The following ITGAV variants were observed in gnomAD, a reference collection of about 807,000 sequenced individuals.
The protein encoded by ITGAV is integrin subunit alpha V.
A neutral mutation model predicts 143.8 loss-of-function variants in ITGAV; 76 were observed. That is an observed-to-expected ratio of 0.53 (90% CI 0.44 to 0.64). ITGAV has a LOEUF of 0.64. Ranked by LOEUF, ITGAV falls within the 30% of genes least tolerant of loss-of-function variation. The pLI is 0.00. For missense variants in ITGAV, 1,193 were observed against 1,274.7 expected (o/e 0.94, Z 0.98); for synonymous variants, 453 against 446.7 (o/e 1.01, Z -0.18).
At chr2:186,630,894 C>T in intron 5 of ITGAV, 36 bp downstream of exon 5, 1 of 1,156,710 alleles carries the variant, frequency 8.6e-7, no homozygotes, top group Non-Finnish European at 1.3e-6. Context: ...AGATTCACAT[C>T]TACCTTATTG....
intron 1 of ITGAV, among the ~76,000 whole-genome samples, chr2:186,601,246 A>G (rs1439417725): frequency 6.6e-6 from 1 of 152,006 alleles, no homozygotes; most frequent in East Asian, 1.9e-4. Flanking sequence ...ATAGTCAACT[A>G]TTAAAAAAAA....
intron 26 of ITGAV, among the ~76,000 whole-genome samples, chr2:186,670,782 C>A (rs919659898): frequency 6.6e-6 from 1 of 151,450 alleles, no homozygotes; most frequent in Non-Finnish European, 1.5e-5. Flanking sequence ...CCAGTCTGAT[C>A]TTCTGCATTG....
At chr2:186,646,054 C>CAGAG (rs1453792950) in intron 12 of ITGAV, among the ~76,000 whole-genome samples, 1 of 152,030 alleles carries the variant, frequency 6.6e-6, no homozygotes, top group Non-Finnish European at 1.5e-5. Context: ...GTGGCAGCAG[C>CAGAG]AGAGAGAGAA....
chr2:186,593,973 G>A (rs921943156), intron 1 of ITGAV, among the ~76,000 whole-genome samples: 1 of 152,144 alleles, frequency 6.6e-6, no homozygotes, highest in Admixed American at 6.5e-5. Flanking sequence ...TATAATGAAT[G>A]ACACTGGATT....
chr2:186,636,568 G>A (rs900809067), intron 7 of ITGAV, among the ~76,000 whole-genome samples: 22 of 152,144 alleles, frequency 1.4e-4, no homozygotes, highest in African/African-American at 4.3e-4. Context: ...GCACTGAGAC[G>A]CAAAATAACT....
rs200643949 is a variant in ITGAV, at chr2:186,638,394, A to G, written c.847-15A>G. ...ATTTTACCAGATTTCACATACTTCTATTTTTCCTTCACAGGTTTATATTTA... is the reference window on the plus strand; with the variant it reads ...ATTTTACCAGATTTCACATACTTCTGTTTTTCCTTCACAGGTTTATATTTA... On this transcript the variant is annotated splice_polypyrimidine_tract_variant and intron_variant, in intron 9 of 29. Coordinates refer to ENST00000261023, the MANE Select transcript of ITGAV (RefSeq NM_002210.5). The G allele has an allele frequency of 7.7e-5, 124 of 1,610,288 alleles. No homozygotes were observed. Among genetic ancestry groups the G allele is most frequent in the Non-Finnish European group, 8.2e-5 (97 of 1,176,866 alleles).
chr2:186,615,321 A>G (rs1367636206), intron 2 of ITGAV, among the ~76,000 whole-genome samples: 1 of 152,176 alleles, frequency 6.6e-6, no homozygotes, highest in East Asian at 1.9e-4. Context: ...ATAGATGTCT[A>G]GGAGTGGAAT....
chr2:186,602,990 C>A (rs1352584934), intron 2 of ITGAV, among the ~76,000 whole-genome samples: 3 of 151,526 alleles, frequency 2.0e-5, no homozygotes, highest in African/African-American at 7.3e-5. Context: ...GTTCTGATAA[C>A]AGGAGAATTT....
chr2:186,652,231 T>C (rs1388010126), intron 15 of ITGAV, 142 bp downstream of exon 15: 2 of 621,664 alleles, frequency 3.2e-6, no homozygotes, highest in Admixed American at 3.0e-5. Context: ...CTTTTTTTAT[T>C]TGAAGCAAGG....
intron 13 of ITGAV, among the ~76,000 whole-genome samples, chr2:186,648,474 C>G (rs960270359): frequency 1.3e-5 from 2 of 151,836 alleles, no homozygotes; most frequent in African/African-American, 4.8e-5. Flanking sequence ...GAGTTTGATT[C>G]TTTTTTTTGA....
chr2:186,641,061 T>G lies in ITGAV; in HGVS notation c.956+94T>G, dbSNP rs1688089677. The G allele has an allele frequency of 2.8e-5, 27 of 953,316 alleles. 1 individual carries two copies. The South Asian group carries it at 3.8e-4, about 13-fold the overall frequency. The allele number at this position is 953,316 out of a possible 1,614,324, so 59.1% of individuals were successfully genotyped here. Reference sequence around the variant, plus strand: ...ACATTTTTTTCTTCTGTTTTTGTATTCCTTTTCTGCTAATCTTTCTGTTTA... The same window carrying G: ...ACATTTTTTTCTTCTGTTTTTGTATGCCTTTTCTGCTAATCTTTCTGTTTA... On this transcript the variant is annotated intron_variant, in intron 11 of 29. Coordinates refer to ENST00000261023, the MANE Select transcript of ITGAV (RefSeq NM_002210.5).
At chr2:186,591,657 A>G (rs1215871365) in intron 1 of ITGAV, among the ~76,000 whole-genome samples, 1 of 152,168 alleles carries the variant, frequency 6.6e-6, no homozygotes, top group African/African-American at 2.4e-5. Context: ...GTTTTCTATG[A>G]CTGTTAGGAC....
chr2:186,651,182 G>A (rs1688417633), intron 14 of ITGAV, among the ~76,000 whole-genome samples: 1 of 152,128 alleles, frequency 6.6e-6, no homozygotes, highest in Non-Finnish European at 1.5e-5. Flanking sequence ...TTTATACATG[G>A]CAGGAACACT....
Position 186,677,191 on chromosome 2 carries a change from T to G in ITGAV, c.3052-6T>G. The G allele has an allele frequency of 6.2e-7, 1 of 1,612,854 alleles. No homozygotes were observed. The highest frequency in any genetic ancestry group is 8.5e-7 in the Non-Finnish European group (1 of 1,179,044). On this transcript the variant is annotated splice_region_variant and splice_polypyrimidine_tract_variant and intron_variant, in intron 29 of 29. Transcript: ENST00000261023. ...ACAGTAATAATGGTTTTTCTTCAAC[T>G]GACAGATGGGCTTTTTTAAACGGGT...
Position 186,675,687 on chromosome 2 carries a change from G to A in ITGAV, c.2790G>A (p.Lys930=). The part of the protein sequence containing the change: ...DRGKSAILYV[K]SLLWTETFMN... Reference sequence around the variant, plus strand: ...GAAAGAGTGCAATCTTGTACGTAAAGTCATTACTGTGGACTGAGACTTTTA... The same window carrying A: ...GAAAGAGTGCAATCTTGTACGTAAAATCATTACTGTGGACTGAGACTTTTA... The change falls in exon 27 of 30, where the codon AAG becomes AAA. Residue 930 remains lysine, a synonymous_variant. Transcript: ENST00000261023. 5 of 1,613,608 alleles carry A rather than the reference G, an allele frequency of 3.1e-6. No individual in the cohort carries two copies. Among genetic ancestry groups the A allele is most frequent in the Non-Finnish European group, 2.5e-6 (3 of 1,179,606 alleles).
chr2:186,676,694 C>A, intron 28 of ITGAV, 119 bp from the exon 29 acceptor site: 1 of 1,086,810 alleles, frequency 9.2e-7, no homozygotes, highest in Non-Finnish European at 1.3e-6. Flanking sequence ...ACTAAATTAT[C>A]ATATGCAGGA....
At chr2:186,668,186 A>ATATATG (rs200201282) in intron 24 of ITGAV, among the ~76,000 whole-genome samples, 582 of 13,160 alleles carry the variant, frequency 0.044, 34 homozygotes, top group Middle Eastern at 0.091. Flanking sequence ...ACATACATAC[A>ATATATG]TATATATATA....
chr2:186,650,296 G>T (rs1688389258), intron 14 of ITGAV, among the ~76,000 whole-genome samples: 1 of 152,140 alleles, frequency 6.6e-6, no homozygotes, highest in African/African-American at 2.4e-5. Context: ...TGCCCCCTGG[G>T]TTCAAACAAT....
chr2:186,618,876 A>G (rs765452748), intron 2 of ITGAV, among the ~76,000 whole-genome samples: 14 of 152,164 alleles, frequency 9.2e-5, no homozygotes, highest in Non-Finnish European at 1.8e-4. Flanking sequence ...TGGAACTACC[A>G]TATGATCTGG....
Sources: allele counts gnomAD v4.1 joint callset (sites outside exome capture counted in the v4.1 genomes callset), GRCh38; gene constraint gnomAD v4.1.1; transcripts MANE v1.5; gene names NCBI Gene and HGNC (gene_info 2026-07-23, HGNC 2026-07-21).